The following SPON1 variants were observed in gnomAD, a reference collection of about 807,000 sequenced individuals.
The protein encoded by SPON1 is spondin-1.
A neutral mutation model predicts 111.7 loss-of-function variants in SPON1; 52 were observed. That is an observed-to-expected ratio of 0.47 (90% CI 0.37 to 0.59). The LOEUF (loss-of-function observed/expected upper bound fraction) is 0.59, where lower values mean the gene tolerates loss of function less well. Ranked by LOEUF, SPON1 falls within the 20% of genes least tolerant of loss-of-function variation. SPON1 has a pLI of 0.00. For synonymous variants in SPON1, 410 were observed against 395.8 expected (o/e 1.04, Z -0.43); for missense variants, 957 against 1,068.5 (o/e 0.90, Z 1.46).
intron 6 of SPON1, among the ~76,000 whole-genome samples, chr11:14,145,551 G>A (rs1554929233): frequency 6.6e-6 from 1 of 151,942 alleles, no homozygotes; most frequent in African/African-American, 2.4e-5. Context: ...TTTTTCTATT[G>A]TAGTAAAAGA....
At chr11:14,048,372 A>G (rs1315059824) in intron 3 of SPON1, among the ~76,000 whole-genome samples, 1 of 152,218 alleles carries the variant, frequency 6.6e-6, no homozygotes, top group Non-Finnish European at 1.5e-5. Context: ...GTGTTTGAGT[A>G]ATATTCCTGG....
chr11:14,101,326 C>T (rs996041548), intron 5 of SPON1, among the ~76,000 whole-genome samples: 3 of 151,866 alleles, frequency 2.0e-5, no homozygotes, highest in African/African-American at 7.3e-5. Flanking sequence ...CTTGAACCCA[C>T]GAGGCAGAGG....
At chr11:14,015,547 C>T (rs1179281389) in intron 2 of SPON1, among the ~76,000 whole-genome samples, 2 of 152,180 alleles carry the variant, frequency 1.3e-5, no homozygotes, top group African/African-American at 2.4e-5. Context: ...ACAAGGAATG[C>T]TTTACTTACA....
chr11:14,075,734 G>A (rs1414032219), intron 4 of SPON1, among the ~76,000 whole-genome samples: 1 of 152,168 alleles, frequency 6.6e-6, no homozygotes, highest in Non-Finnish European at 1.5e-5. Context: ...ATTAAGGAAT[G>A]CACAATTGTG....
Position 14,135,541 on chromosome 11 carries a change from G to A in SPON1, c.798G>A (p.Val266=), listed in dbSNP as rs782793419. 40 of 1,613,230 alleles carry A rather than the reference G, an allele frequency of 2.5e-5. No individual in the cohort carries two copies. Among genetic ancestry groups the A allele is most frequent in the Non-Finnish European group, 3.3e-5 (39 of 1,179,600 alleles). ...AAGTTGCAGAATTGGGCTCACCCGT[G>A]AAAATGGAGGAAGAAATTCGACAAC... The part of the protein sequence containing the change: ...VKQVAELGSP[V]KMEEEIRQQS... Residue 266 remains valine (V), a synonymous_variant, in exon 6 of 16, where the codon GTG becomes GTA. Coordinates refer to ENST00000576479, the MANE Select transcript of SPON1 (RefSeq NM_006108.4). The surrounding 1 kb of genome is among the most constrained non-coding windows in gnomAD (Gnocchi z 4.4).
intron 7 of SPON1, among the ~76,000 whole-genome samples, chr11:14,249,603 C>T (rs1849031661): frequency 6.6e-6 from 1 of 152,206 alleles, no homozygotes; most frequent in African/African-American, 2.4e-5. Flanking sequence ...AGAGACAACA[C>T]AGCATATGAG....
chr11:14,156,810 T>C (rs1377534574), intron 6 of SPON1, among the ~76,000 whole-genome samples: 4 of 152,160 alleles, frequency 2.6e-5, no homozygotes, highest in Admixed American at 1.3e-4. Context: ...GTTGTAGATA[T>C]GCGGCATTAT....
chr11:14,031,149 C>T (rs1848555741), intron 2 of SPON1, among the ~76,000 whole-genome samples: 1 of 152,116 alleles, frequency 6.6e-6, no homozygotes, highest in Non-Finnish European at 1.5e-5. Context: ...GAGCAAAACA[C>T]TGGATTCATA....
intron 2 of SPON1, among the ~76,000 whole-genome samples, chr11:13,990,855 T>A (rs1346929773): frequency 1.3e-5 from 2 of 152,204 alleles, no homozygotes; most frequent in African/African-American, 4.8e-5. Context: ...GGATATGAAA[T>A]TCTGGGTTGA....
chr11:14,256,495 C>T (rs1849109901), intron 9 of SPON1, 122 bp from the exon 10 acceptor site: 1 of 639,032 alleles, frequency 1.6e-6, no homozygotes, highest in South Asian at 2.2e-5. Context: ...TGGTCCAGAA[C>T]TTTGCCATGG....
At chr11:14,106,901 A>C (rs1372317560) in intron 5 of SPON1, among the ~76,000 whole-genome samples, 2 of 152,180 alleles carry the variant, frequency 1.3e-5, no homozygotes, top group African/African-American at 4.8e-5. Flanking sequence ...TATGGTCCTA[A>C]TGACCTTCCA....
At chr11:14,035,946 T>C (rs1352480766) in intron 2 of SPON1, among the ~76,000 whole-genome samples, 2 of 152,146 alleles carry the variant, frequency 1.3e-5, no homozygotes, top group Admixed American at 1.3e-4. Context: ...CAGTGCACAC[T>C]TATTAGTACC....
intron 7 of SPON1, among the ~76,000 whole-genome samples, chr11:14,248,731 C>T (rs922363293): frequency 1.3e-5 from 2 of 152,164 alleles, no homozygotes; most frequent in African/African-American, 4.8e-5. Context: ...CAGCCTCCCT[C>T]GCCGCCCAGT....
At chr11:14,009,347 A>G (rs567392272) in intron 2 of SPON1, among the ~76,000 whole-genome samples, 48 of 152,282 alleles carry the variant, frequency 3.2e-4, no homozygotes, top group African/African-American at 1.1e-3. Context: ...TTGGTCTTCT[A>G]TGAACGCTCC....
At chr11:14,236,175 T>C (rs1034057895) in intron 6 of SPON1, among the ~76,000 whole-genome samples, 1 of 152,116 alleles carries the variant, frequency 6.6e-6, no homozygotes, top group Admixed American at 6.5e-5. Flanking sequence ...TAGAGAGACC[T>C]GCTAGGAAGC....
chr11:14,160,980 T>C (rs1416558392), intron 6 of SPON1, among the ~76,000 whole-genome samples: 1 of 86,008 alleles, frequency 1.2e-5, no homozygotes, highest in Non-Finnish European at 2.0e-5. Context: ...TATTTTTATA[T>C]ATTTATATAT....
intron 6 of SPON1, among the ~76,000 whole-genome samples, chr11:14,230,068 C>G (rs1848781619): frequency 6.6e-6 from 1 of 151,958 alleles, no homozygotes; most frequent in Non-Finnish European, 1.5e-5. Flanking sequence ...AGTCTCTCCC[C>G]AAACCTCAAA....
intron 5 of SPON1, among the ~76,000 whole-genome samples, chr11:14,081,566 G>T (rs1591370383): frequency 6.6e-6 from 1 of 152,044 alleles, no homozygotes; most frequent in Admixed American, 6.6e-5. Context: ...TGTTTGGGTT[G>T]CGTGTTGCCC....
intron 6 of SPON1, among the ~76,000 whole-genome samples, chr11:14,188,648 AC>A (rs1473903272): frequency 1.3e-5 from 2 of 152,106 alleles, no homozygotes; most frequent in Non-Finnish European, 2.9e-5. Flanking sequence ...TATTCTTGAA[AC>A]TTTTGGCAAC....
Sources: gnomAD v4.1 joint callset for allele counts (sites outside exome capture counted in the v4.1 genomes callset) on GRCh38, gnomAD v4.1.1 for gene constraint, Gnocchi (gnomAD v3.1) non-coding constraint, MANE v1.5 for transcripts, NCBI Gene and HGNC (gene_info 2026-07-23, HGNC 2026-07-21) for gene names.